The following PRCD variants were observed in gnomAD, a reference collection of about 807,000 sequenced individuals.
PRCD encodes photoreceptor disc component.
A neutral mutation model predicts 10.1 loss-of-function variants in PRCD; 12 were observed. The ratio of observed to expected loss-of-function variants is 1.18; its 90% CI spans 0.76 to 1.92. PRCD has a LOEUF of 1.92. PRCD is among the 40% of genes most tolerant of loss of function. PRCD has a pLI of 0.00. For missense variants in PRCD, 61 were observed against 72.2 expected (o/e 0.84, Z 0.56); for synonymous variants, 31 against 26.2 (o/e 1.18, Z -0.56).
At chr17:76,547,973 CAT>C (rs2075071189), downstream of PRCD, among the ~76,000 whole-genome samples, 1 of 151,832 alleles carries the variant, frequency 6.6e-6, no homozygotes, top group African/African-American at 2.4e-5. Flanking sequence ...TACACATAAA[CAT>C]ACACATACAT....
rs1356109200 is a variant in PRCD at position 76,544,503 on chromosome 17, G to C, written c.*853G>C. 1 of 456,310 alleles carries C rather than the reference G, an allele frequency of 2.2e-6. No homozygotes were observed. Among genetic ancestry groups the C allele is most frequent in the Non-Finnish European group, 4.4e-6 (1 of 226,988 alleles). 28.3% of individuals were successfully genotyped at this position (456,310 alleles called of 1,614,324 possible). On this transcript the variant is annotated 3_prime_UTR_variant, in exon 5 of 5. Transcript: ENST00000592014. ...GGGTGTGTGCGAAGGCAGTTCTGTG[G>C]GAGCCTCTCAAAGTAGGGCAGGCAG...
In PRCD at chr17:76,528,436, G is replaced by T. The variant is rs879232301; in HGVS notation, n.45+603G>T. 2.6e-6 allele frequency: 2 copies of T among 778,688 alleles called. No individual in the cohort carries two copies. The highest frequency in any genetic ancestry group is 3.6e-6 in the Non-Finnish European group (2 of 562,926). The allele number at this position is 778,688 out of a possible 1,614,324, so 48.2% of individuals were successfully genotyped here. A position where few individuals can be genotyped will look rare whatever the true frequency, so the allele number is the denominator to read the frequency against. ...GCAGCTCCAGGGGGGGACCCTGGCC[G>T]CCACAGAGGCCTCCTTCGGGGAAGT... On this transcript the variant is annotated intron_variant and non_coding_transcript_variant, in intron 1 of 4. Coordinates refer to the PRCD transcript ENST00000397633. This position sits in a 1 kb window ranked among gnomAD's most constrained non-coding sequence, Gnocchi z 5.8.
At chr17:76,549,670 C>T (rs78399195), downstream of PRCD, among the ~76,000 whole-genome samples, 23 of 152,298 alleles carry the variant, frequency 1.5e-4, no homozygotes, top group East Asian at 4.2e-3. Flanking sequence ...TGGAAACAAC[C>T]CAAATATTCC....
chr17:76,529,044 G>GCCC (rs34648121), intron 1 of PRCD: 1 of 779,744 alleles, frequency 1.3e-6, no homozygotes, highest in African/African-American at 2.3e-5. Flanking sequence ...CAGTCATTGC[G>GCCC]CCCCCCCCCC....
At chr17:76,538,508 G>A (rs1168766640), upstream of PRCD, 21 of 466,982 alleles carry the variant, frequency 4.5e-5, no homozygotes, top group Non-Finnish European at 3.1e-5. Flanking sequence ...ACACGGACAG[G>A]CAAGAACCAG....
intron 1 of PRCD, among the ~76,000 whole-genome samples, chr17:76,534,178 T>TCTCTCTC (rs1567907880): frequency 3.0e-4 from 19 of 63,940 alleles, no homozygotes; most frequent in Non-Finnish European, 5.8e-4. Context: ...CTCTCTCTCT[T>TCTCTCTC]TCTTTCTTTC....
upstream of PRCD, chr17:76,537,333 C>A (rs925801302): frequency 3.4e-6 from 5 of 1,467,920 alleles, no homozygotes; most frequent in Admixed American, 9.6e-5. Flanking sequence ...CCGGGCCCAG[C>A]CCTCCTCTGC....
chr17:76,545,755 T>A (rs779170268), downstream of PRCD: 2 of 235,042 alleles, frequency 8.5e-6, no homozygotes, highest in African/African-American at 2.3e-5. Context: ...ATGCTTAGCA[T>A]GTTGGGTAAG....
Position 76,533,135 on chromosome 17 carries a change from C to T in PRCD, n.45+5302C>T, listed in dbSNP as rs1047548251. On this transcript the variant is annotated intron_variant and non_coding_transcript_variant, in intron 1 of 4. Coordinates refer to the PRCD transcript ENST00000397633. The surrounding 1 kb of genome is among the most constrained non-coding windows in gnomAD (Gnocchi z 4.5). ...CTGCTGCTGGTGGAACTGCTATTGG[C>T]GGGGAAGTTTGCACAGTGACCAGGG... Among the ~76,000 whole-genome samples, 2 of 152,202 alleles carry T rather than the reference C, an allele frequency of 1.3e-5. No individual in the cohort carries two copies. The highest frequency in any genetic ancestry group is 2.1e-4 in the South Asian group (1 of 4,804).
At chr17:76,553,506 G>C (rs2075130569) in exon 2 of PRCD, 1 of 152,230 alleles carries the variant, frequency 6.6e-6, no homozygotes, top group African/African-American at 2.4e-5. Context: ...GCAGTTGGCT[G>C]TCTGGGATAC....
At chr17:76,534,118 CT>C (rs1358342598) in intron 1 of PRCD, among the ~76,000 whole-genome samples, 14 of 149,138 alleles carry the variant, frequency 9.4e-5, no homozygotes, top group African/African-American at 1.7e-4. Context: ...TTTCTTCTTT[CT>C]TTCTTTCTTT....
chr17:76,551,091 T>C (rs1032130017), intron 1 of PRCD: 2 of 152,198 alleles, frequency 1.3e-5, no homozygotes, highest in African/African-American at 4.8e-5. Context: ...ACCAGGAAGG[T>C]GCCACGATGA....
At chr17:76,537,309 G>C, upstream of PRCD, 1 of 1,356,042 alleles carries the variant, frequency 7.4e-7, no homozygotes, top group Non-Finnish European at 9.6e-7. Flanking sequence ...GGGAGGTGGC[G>C]CTGGAGCTCG....
At chr17:76,527,640 CCCTCGGA>C, upstream of PRCD, 1 of 453,836 alleles carries the variant, frequency 2.2e-6, no homozygotes, top group Non-Finnish European at 4.4e-6. Flanking sequence ...AAGCCCTCGG[CCCTCGGA>C]GCTGAGGGTG....
In PRCD at chr17:76,540,292, G is replaced by A; in HGVS notation, c.74+77G>A. ...GGGGCTGGGCTGCCACCAAGCTGAA[G>A]GTGGGCAGGGGCTGCGTGAACCTTC... On this transcript the variant is annotated intron_variant, in intron 1 of 4. Coordinates refer to ENST00000592014, the MANE Select transcript of PRCD (RefSeq NM_001077620.3). The surrounding 1 kb of genome is among the most constrained non-coding windows in gnomAD (Gnocchi z 5.0). 1 of 1,461,486 alleles carries A rather than the reference G, an allele frequency of 6.8e-7. No individual in the cohort carries two copies. Among genetic ancestry groups the A allele is most frequent in the East Asian group, 2.5e-5 (1 of 40,626 alleles). The allele number at this position is 1,461,486 out of a possible 1,614,324, so 90.5% of individuals were successfully genotyped here. A position where few individuals can be genotyped will look rare whatever the true frequency, so the allele number is the denominator to read the frequency against.
intron 1 of PRCD, chr17:76,529,561 A>C (rs1337632011): frequency 2.0e-6 from 2 of 985,256 alleles, no homozygotes; most frequent in African/African-American, 1.7e-5. Flanking sequence ...CCTTGTAAAA[A>C]AGCCCTTTTC....
chr17:76,548,239 CAT>C (rs547366428), downstream of PRCD, among the ~76,000 whole-genome samples: 82 of 152,238 alleles, frequency 5.4e-4, no homozygotes, highest in Admixed American at 2.5e-3. Context: ...ATAGCATACA[CAT>C]ACACACAGTC....
At chr17:76,539,602 CTTCACCTCCA>C (rs2074962499), upstream of PRCD, among the ~76,000 whole-genome samples, 1 of 152,234 alleles carries the variant, frequency 6.6e-6, no homozygotes, top group Non-Finnish European at 1.5e-5. Flanking sequence ...GACATCATTG[CTTCACCTCCA>C]TTCACCTTGC....
At position 76,540,186 on chromosome 17, in the gene PRCD, GCGC is replaced by G. The variant is rs1567910849; in HGVS notation, c.51_53del (p.Arg18del). Reference sequence around the variant, plus strand: ...TGCTCAGCACCCTGGCCATGCTCTGGCGCCGCCGATTTGCCAACCGAGTCCAAC... The same window carrying G: ...TGCTCAGCACCCTGGCCATGCTCTGGCGCCGATTTGCCAACCGAGTCCAAC... On this transcript the variant is annotated inframe_deletion, in exon 1 of 5. Coordinates refer to ENST00000592014, the MANE Select transcript of PRCD (RefSeq NM_001077620.3). The surrounding 1 kb of genome is among the most constrained non-coding windows in gnomAD (Gnocchi z 5.0). 1 of 1,601,106 alleles carries G rather than the reference GCGC, an allele frequency of 6.2e-7. No individual in the cohort carries two copies. The highest frequency in any genetic ancestry group is 1.7e-5 in the Admixed American group (1 of 58,762).
Sources: allele counts gnomAD v4.1 joint callset (sites outside exome capture counted in the v4.1 genomes callset), GRCh38; gene constraint gnomAD v4.1.1; non-coding constraint Gnocchi (gnomAD v3.1); transcripts MANE v1.5; gene names NCBI Gene and HGNC (gene_info 2026-07-23, HGNC 2026-07-21).